SAMD3: variants seen among roughly 807,000 people sequenced by gnomAD.
SAMD3 encodes sterile alpha motif domain containing 3.
SAMD3 carries 63 observed loss-of-function variants against 58.5 expected under a neutral mutation model. That is an observed-to-expected ratio of 1.08 (90% CI 0.88 to 1.33). The LOEUF is 1.33. Among genes scored for constraint, SAMD3 ranks in the 40% most tolerant of loss-of-function variants. The pLI is 0.00. For missense variants in SAMD3, 604 were observed against 608.4 expected, an observed-to-expected ratio of 0.99 and a Z score of 0.08; for synonymous variants, 220 against 210.3, an observed-to-expected ratio of 1.05 and a Z score of -0.40.
intron 1 of SAMD3, among the ~76,000 whole-genome samples, chr6:130,341,541 T>C (rs1031653657): frequency 1.3e-5 from 2 of 152,212 alleles, no homozygotes; most frequent in Admixed American, 6.6e-5. Context: ...TTAAATTATA[T>C]AAAGGTGAAA....
chr6:130,320,294 T>C (rs551313117), intron 1 of SAMD3, among the ~76,000 whole-genome samples: 2 of 152,022 alleles, frequency 1.3e-5, no homozygotes, highest in Non-Finnish European at 2.9e-5. Context: ...AGTAGGTAGA[T>C]GAAAAAATGT....
At chr6:130,252,090 A>AT (rs1397808915) in intron 2 of SAMD3, among the ~76,000 whole-genome samples, 1 of 151,920 alleles carries the variant, frequency 6.6e-6, no homozygotes, top group African/African-American at 2.4e-5. Context: ...TGTTTCATGC[A>AT]TATATATTTA....
chr6:130,226,812 G>A (rs1796393384), upstream of SAMD3, among the ~76,000 whole-genome samples: 1 of 151,710 alleles, frequency 6.6e-6, no homozygotes, highest in Admixed American at 6.6e-5. Context: ...TGGGCGATAA[G>A]AGCGAAACTC....
chr6:130,285,154 CAAAACGTTATAT>C (rs1775113085), intron 2 of SAMD3, among the ~76,000 whole-genome samples: 1 of 152,070 alleles, frequency 6.6e-6, no homozygotes, highest in South Asian at 2.1e-4. Flanking sequence ...AAAAGAGTTG[CAAAACGTTATAT>C]ATAGTAGACA....
At position 130,248,032 on chromosome 6, in the gene SAMD3, T is replaced by C. The variant is rs527855308; in HGVS notation, c.-187-25219A>G. ...CCATAGTATTGTAAACTGCCCTTTA[T>C]TGTGGCATTTATTTTTGGCTAGCTT... On this transcript the variant is annotated intron_variant, in intron 2 of 13. Transcript: ENST00000368134. Among the ~76,000 whole-genome samples the C allele has an allele frequency of 5.9e-5, 9 of 152,322 alleles. No individual in the cohort carries two copies. In the East Asian group the frequency reaches 1.7e-3, roughly 29 times the overall value.
chr6:130,361,343 G>A (rs896127086), intron 1 of SAMD3, among the ~76,000 whole-genome samples: 6 of 152,168 alleles, frequency 3.9e-5, no homozygotes, highest in South Asian at 2.1e-4. Flanking sequence ...TGGTCCCTCC[G>A]TTTGGGGGTC....
chr6:130,310,028 A>G (rs900765225), intron 2 of SAMD3, among the ~76,000 whole-genome samples: 2 of 152,182 alleles, frequency 1.3e-5, no homozygotes, highest in African/African-American at 4.8e-5. Flanking sequence ...TGAGCATAAC[A>G]CTGCATTTCA....
intron 1 of SAMD3, among the ~76,000 whole-genome samples, chr6:130,337,594 A>G (rs1777140454): frequency 6.6e-6 from 1 of 152,160 alleles, no homozygotes; most frequent in South Asian, 2.1e-4. Context: ...GAAGAAAGGA[A>G]TATGTGGGGA....
chr6:130,329,284 G>T (rs529378434), intron 1 of SAMD3, among the ~76,000 whole-genome samples: 36 of 147,180 alleles, frequency 2.4e-4, no homozygotes, highest in African/African-American at 9.0e-4. Context: ...AAAAAGCCTG[G>T]TAAAGTTTAG....
chr6:130,163,676 G>A (rs1790466541), intron 8 of SAMD3, among the ~76,000 whole-genome samples: 2 of 152,136 alleles, frequency 1.3e-5, no homozygotes, highest in South Asian at 4.1e-4. Context: ...TCTATCATGA[G>A]AGAAACATCT....
At chr6:130,156,922 T>G (rs2114596263) in intron 8 of SAMD3, among the ~76,000 whole-genome samples, 1 of 152,010 alleles carries the variant, frequency 6.6e-6, no homozygotes, top group Non-Finnish European at 1.5e-5. Context: ...TACAAAAAAG[T>G]AGCCAGGTGT....
intron 1 of SAMD3, among the ~76,000 whole-genome samples, chr6:130,355,522 T>C (rs1424022782): frequency 6.6e-6 from 1 of 152,220 alleles, no homozygotes; most frequent in African/African-American, 2.4e-5. Flanking sequence ...CTTAATCCAG[T>C]TCTTTTTGTT....
chr6:130,300,487 G>A (rs1775709745), intron 2 of SAMD3, among the ~76,000 whole-genome samples: 1 of 152,070 alleles, frequency 6.6e-6, no homozygotes, highest in Non-Finnish European at 1.5e-5. Flanking sequence ...AATAATAAGA[G>A]CCATTTATTG....
intron 8 of SAMD3, among the ~76,000 whole-genome samples, chr6:130,175,401 C>T (rs1376798239): frequency 6.6e-6 from 1 of 152,130 alleles, no homozygotes; most frequent in East Asian, 1.9e-4. Flanking sequence ...AAGGGAAGGC[C>T]ACAATGGAGT....
chr6:130,275,774 C>A (rs750380490), intron 2 of SAMD3, among the ~76,000 whole-genome samples: 57 of 151,968 alleles, frequency 3.8e-4, no homozygotes, highest in Non-Finnish European at 6.0e-4. Flanking sequence ...ATATCATATT[C>A]TTTTTATTAT....
chr6:130,308,730 C>G (rs1029644365), intron 2 of SAMD3, among the ~76,000 whole-genome samples: 1 of 152,044 alleles, frequency 6.6e-6, no homozygotes, highest in Non-Finnish European at 1.5e-5. Context: ...TGAAACACTT[C>G]TTAGATACTG....
In SAMD3 at chr6:130,175,996, G is replaced by A. The variant is rs776339983; in HGVS notation, c.667C>T (p.Arg223Ter). 35 of 1,611,770 alleles carry A rather than the reference G, an allele frequency of 2.2e-5. No individual in the cohort carries two copies. Among genetic ancestry groups the A allele is most frequent in the African/African-American group, 1.3e-4 (10 of 74,774 alleles). Reference protein sequence around the residue: ...EDGCGFFLWKRALKDRFKYVR... With the variant: ...EDGCGFFLWK ...TATTTAAAGCGATCTTTGAGGGCTC[G>A]TTTCCATAAAAACTGTAAAATAAAA... The change falls in exon 8 of 12, where the codon CGA becomes TGA. Residue 223 changes from arginine (R) to a stop codon, truncating the protein, a stop_gained. Coordinates refer to ENST00000439090, the MANE Select transcript of SAMD3 (RefSeq NM_001017373.4). LOFTEE classifies it high-confidence loss of function.
chr6:130,215,572 A>G (rs1366965319), intron 2 of SAMD3: 6 of 1,341,962 alleles, frequency 4.5e-6, no homozygotes, highest in African/African-American at 1.5e-5. Flanking sequence ...TCTAAGCTTT[A>G]CTAACAGACA....
intron 1 of SAMD3, among the ~76,000 whole-genome samples, chr6:130,325,040 A>T (rs945078036): frequency 1.6e-4 from 22 of 141,914 alleles, no homozygotes; most frequent in Non-Finnish European, 3.1e-4. Context: ...CTGCACGTAC[A>T]ATTCAGCTCT....
Sources: allele counts gnomAD v4.1 joint callset (sites outside exome capture counted in the v4.1 genomes callset), GRCh38; gene constraint gnomAD v4.1.1; transcripts MANE v1.5; gene names NCBI Gene and HGNC (gene_info 2026-07-23, HGNC 2026-07-21).